Variants in FRAS1 observed in about 807,000 individuals in gnomAD.
FRAS1 encodes the protein extracellular matrix organizing protein FRAS1.
In FRAS1, 290 loss-of-function variants were observed where a neutral mutation model predicts 435.2. The ratio of observed to expected loss-of-function variants is 0.67; its 90% CI spans 0.61 to 0.73. The LOEUF (loss-of-function observed/expected upper bound fraction) is 0.73. Ranked by LOEUF, FRAS1 falls within the 30% of genes least tolerant of loss-of-function variation. The pLI, the probability that FRAS1 is intolerant of heterozygous loss-of-function variation, is 0.00. For synonymous variants in FRAS1, 1,800 were observed against 1,851.0 expected (o/e 0.97, Z 0.71); for missense variants, 4,860 against 5,001.5 (o/e 0.97, Z 0.85).
chr4:78,252,456 G>A lies in FRAS1; in HGVS notation c.374G>A (p.Cys125Tyr), dbSNP rs1246836478. The change falls in exon 5 of 74, where the codon TGT (cysteine) becomes TAT (tyrosine). Residue 125 changes from cysteine to tyrosine, a missense_variant. Coordinates refer to ENST00000512123, the MANE Select transcript of FRAS1 (RefSeq NM_025074.7). ...VCSCNHGEVRCTPQPCPPLSC... is the reference protein window; with the variant it reads ...VCSCNHGEVRYTPQPCPPLSC... ...TCTTGCAATCATGGGGAAGTCCGAT[G>A]TACCCCCCAACCATGCCCACCGCTG... 1 of 1,613,362 alleles carries A rather than the reference G, an allele frequency of 6.2e-7. No individual in the cohort carries two copies. The highest frequency in any genetic ancestry group is 8.5e-7 in the Non-Finnish European group (1 of 1,179,778).
At chr4:78,528,707 C>T (rs1721618505) in intron 70 of FRAS1, among the ~76,000 whole-genome samples, 1 of 152,138 alleles carries the variant, frequency 6.6e-6, no homozygotes, top group Non-Finnish European at 1.5e-5. Flanking sequence ...ATAAATAAAG[C>T]TTCTATGAAC....
intron 30 of FRAS1, among the ~76,000 whole-genome samples, chr4:78,402,707 C>A (rs1267230368): frequency 6.6e-6 from 1 of 151,676 alleles, no homozygotes. Context: ...GCCAGTTTTC[C>A]CACCAATGCC....
intron 14 of FRAS1, among the ~76,000 whole-genome samples, chr4:78,305,691 C>T (rs1200842806): frequency 1.3e-5 from 2 of 151,328 alleles, no homozygotes; most frequent in Admixed American, 1.3e-4. Context: ...CAACCCCTGC[C>T]TTTTTTTGTT....
At chr4:78,245,455 G>A (rs1480625809) in intron 4 of FRAS1, 130 bp downstream of exon 4, 2 of 650,114 alleles carry the variant, frequency 3.1e-6, no homozygotes, top group Admixed American at 2.5e-5. Context: ...AAGCCCATTT[G>A]ACTTTCTGTG....
At chr4:78,466,516 A>G in intron 50 of FRAS1, 81 bp downstream of exon 50, 3 of 1,022,996 alleles carry the variant, frequency 2.9e-6, no homozygotes, top group Non-Finnish European at 4.4e-6. Flanking sequence ...CAAGCATACC[A>G]TTGTTTGAGT....
rs546503799 is a variant in FRAS1 at position 78,470,001 on chromosome 4, G to A, written c.7281G>A (p.Pro2427=). The change falls in exon 51 of 74, where the codon CCG becomes CCA. Residue 2427 remains proline, a synonymous_variant. Coordinates refer to ENST00000512123, the MANE Select transcript of FRAS1 (RefSeq NM_025074.7). ...GKEIMTAAPQ[P]FRVDILPVDD... The stretch of plus-strand genomic sequence containing the variant: ...AGATTATGACAGCAGCACCTCAGCC[G>A]TTCCGAGTAGACATCCTCCCGGTAG... 75 of 1,613,522 alleles carry A rather than the reference G, an allele frequency of 4.6e-5. No individual in the cohort carries two copies. Among genetic ancestry groups the A allele is most frequent in the East Asian group, 4.5e-4 (20 of 44,828 alleles).
intron 66 of FRAS1, among the ~76,000 whole-genome samples, chr4:78,518,029 A>G (rs562986550): frequency 4.6e-4 from 70 of 152,188 alleles, no homozygotes; most frequent in African/African-American, 1.6e-3. Context: ...AGGCTGGAGG[A>G]TCACTGGAGG....
At chr4:78,174,481 C>T (rs373024437) in intron 2 of FRAS1, among the ~76,000 whole-genome samples, 47 of 152,336 alleles carry the variant, frequency 3.1e-4, no homozygotes, top group African/African-American at 1.1e-3. Flanking sequence ...TCCCGCTCTA[C>T]AAGATCCTTT....
Position 78,318,809 on chromosome 4 carries a change from G to A in FRAS1, c.1961-1G>A, listed in dbSNP as rs2110237264. The stretch of plus-strand genomic sequence containing the variant: ...TTTCTGCATTTTATTTCCATTTGCA[G>A]CCTGTCACTCCTCCTGCCTGGCTTG... On this transcript the variant is annotated splice_acceptor_variant, in intron 17 of 73. Coordinates refer to ENST00000512123, the MANE Select transcript of FRAS1 (RefSeq NM_025074.7). LOFTEE classifies it high-confidence loss of function. 6.4e-7 allele frequency: 1 copy of A among 1,556,286 alleles called. No homozygotes were observed.
rs146496941 is a variant in FRAS1, at chr4:78,195,901, C to T, written c.109-41609C>T. Among the ~76,000 whole-genome samples the T allele has an allele frequency of 2.4e-4, 36 of 151,566 alleles. No individual in the cohort carries two copies. In the East Asian group the frequency reaches 3.9e-3, roughly 16 times the overall value. On this transcript the variant is annotated intron_variant, in intron 2 of 73. Transcript: ENST00000512123. ...ACTGTAGACTGGACCTGTTCCTATT[C>T]GGCCATCTTGGCTCCCCTCTCCCTG...
chr4:78,382,773 A>G (rs964633081), intron 27 of FRAS1, among the ~76,000 whole-genome samples: 1 of 152,244 alleles, frequency 6.6e-6, no homozygotes, highest in Non-Finnish European at 1.5e-5. Flanking sequence ...AATATGTAAA[A>G]TAGTTCCGTA....
intron 42 of FRAS1, 43 bp from the exon 43 acceptor site, chr4:78,446,684 C>T (rs759150739): frequency 2.5e-6 from 4 of 1,581,674 alleles, no homozygotes; most frequent in Non-Finnish European, 1.7e-6. Context: ...TTTCTTTCTT[C>T]TTAAATATCT....
At chr4:78,477,034 G>A (rs563010245) in intron 54 of FRAS1, among the ~76,000 whole-genome samples, 9 of 149,554 alleles carry the variant, frequency 6.0e-5, no homozygotes, top group African/African-American at 2.2e-4. Flanking sequence ...GTCCCTATAA[G>A]TTCACAATTG....
intron 4 of FRAS1, among the ~76,000 whole-genome samples, chr4:78,250,799 T>C (rs1342421138): frequency 6.6e-6 from 1 of 152,218 alleles, no homozygotes; most frequent in South Asian, 2.1e-4. Flanking sequence ...CAAGTCTAGG[T>C]ACCATGAATG....
intron 55 of FRAS1, among the ~76,000 whole-genome samples, chr4:78,478,417 G>C (rs1719916812): frequency 6.6e-6 from 1 of 152,150 alleles, no homozygotes; most frequent in African/African-American, 2.4e-5. Flanking sequence ...CAGTTCATAA[G>C]GACTGGCTTT....
intron 14 of FRAS1, among the ~76,000 whole-genome samples, chr4:78,307,546 T>A (rs547898099): frequency 4.1e-4 from 62 of 152,296 alleles, no homozygotes; most frequent in African/African-American, 1.4e-3. Context: ...GGTGCCGGAT[T>A]TAATCTCCTG....
At chr4:78,307,196 C>T (rs34643532) in intron 14 of FRAS1, among the ~76,000 whole-genome samples, 41,275 of 152,082 alleles carry the variant, frequency 0.27, 6,464 homozygotes, top group Admixed American at 0.35. Context: ...AGGTCAGGGA[C>T]CCACTTGAGG....
intron 14 of FRAS1, among the ~76,000 whole-genome samples, chr4:78,292,810 C>T (rs887240900): frequency 2.6e-5 from 4 of 152,128 alleles, no homozygotes; most frequent in Admixed American, 6.5e-5. Context: ...GTTTCATTGC[C>T]GGGTCACATA....
At chr4:78,095,828 A>G (rs1481369175) in intron 2 of FRAS1, among the ~76,000 whole-genome samples, 1 of 152,192 alleles carries the variant, frequency 6.6e-6, no homozygotes. Flanking sequence ...GAGCTAAAAG[A>G]TGAGATTTGG....
Sources: gnomAD v4.1 joint callset for allele counts (sites outside exome capture counted in the v4.1 genomes callset) on GRCh38, gnomAD v4.1.1 for gene constraint, MANE v1.5 for transcripts, NCBI Gene and HGNC (gene_info 2026-07-23, HGNC 2026-07-21) for gene names.